The following COL25A1 variants were observed in gnomAD, a reference collection of about 807,000 sequenced individuals.
COL25A1 encodes collagen type XXV alpha 1 chain, also known as collagen alpha-1(XXV) chain.
Under a neutral mutation model 128.4 loss-of-function variants are expected in COL25A1, and 103 were observed. That is an observed-to-expected ratio of 0.80 (90% confidence interval 0.68 to 0.94). The LOEUF is 0.94. Ranked by LOEUF, COL25A1 falls within the 40% of genes least tolerant of loss-of-function variation. COL25A1 has a pLI of 0.00. For missense variants in COL25A1, 745 were observed against 840.0 expected (o/e 0.89, Z 1.40); for synonymous variants, 279 against 277.2 (o/e 1.01, Z -0.06).
intron 3 of COL25A1, among the ~76,000 whole-genome samples, chr4:109,197,386 AATCTCTC>A (rs1473504247): frequency 4.9e-4 from 63 of 128,160 alleles, no homozygotes; most frequent in African/African-American, 1.7e-3. Flanking sequence ...TATAATATAT[AATCTCTC>A]TATTATATAT....
chr4:109,099,742 T>C (rs895951451), intron 3 of COL25A1, among the ~76,000 whole-genome samples: 4 of 151,958 alleles, frequency 2.6e-5, no homozygotes, highest in Admixed American at 1.3e-4. Flanking sequence ...TAAATATATA[T>C]GTATAACTAA....
intron 3 of COL25A1, among the ~76,000 whole-genome samples, chr4:109,050,684 T>G (rs1760900153): frequency 6.6e-6 from 1 of 152,088 alleles, no homozygotes; most frequent in South Asian, 2.1e-4. Flanking sequence ...TTACAAATAT[T>G]TATATTTCAT....
intron 3 of COL25A1, among the ~76,000 whole-genome samples, chr4:109,287,937 G>A (rs1289077951): frequency 2.6e-5 from 4 of 152,146 alleles, no homozygotes; most frequent in Admixed American, 6.5e-5. Flanking sequence ...CAAATCTTTC[G>A]AAGTATGGAT....
intron 5 of COL25A1, among the ~76,000 whole-genome samples, chr4:109,018,372 G>A (rs909242546): frequency 2.0e-5 from 3 of 152,036 alleles, no homozygotes; most frequent in Admixed American, 6.6e-5. Context: ...TTACAGGCAC[G>A]CTCCACCACT....
At chr4:109,224,419 A>G (rs1324658032) in intron 3 of COL25A1, among the ~76,000 whole-genome samples, 1 of 152,170 alleles carries the variant, frequency 6.6e-6, no homozygotes, top group Non-Finnish European at 1.5e-5. Flanking sequence ...GTTCGGGCAT[A>G]TATGTTTAAA....
intron 3 of COL25A1, among the ~76,000 whole-genome samples, chr4:109,284,312 C>T (rs1468264951): frequency 2.0e-5 from 3 of 152,200 alleles, no homozygotes; most frequent in African/African-American, 7.2e-5. Context: ...GTAATCCCAG[C>T]TACTCAGGAG....
chr4:109,224,114 T>TG (rs2126212720), intron 3 of COL25A1, among the ~76,000 whole-genome samples: 1 of 152,324 alleles, frequency 6.6e-6, no homozygotes, highest in Admixed American at 6.5e-5. Flanking sequence ...AGAGTACATA[T>TG]GATTTTAAGA....
intron 19 of COL25A1, among the ~76,000 whole-genome samples, chr4:108,883,096 T>C (rs1372794805): frequency 1.3e-5 from 2 of 152,076 alleles, no homozygotes; most frequent in Non-Finnish European, 1.5e-5. Flanking sequence ...GCCTGGAGTA[T>C]AGTGGCGTGA....
chr4:109,287,004 C>T lies in COL25A1; in HGVS notation c.367+13579G>A, dbSNP rs72672625. ...AGAGATCATTTATCTCCAGAAAAAC[C>T]ATCTCATTGGTGTGTTAGCAGCATT... On this transcript the variant is annotated intron_variant, in intron 3 of 37. Transcript: ENST00000399132. Among the ~76,000 whole-genome samples, 420 of 152,234 alleles carry T rather than the reference C, an allele frequency of 2.8e-3. 1 individual carries two copies. The highest frequency in any genetic ancestry group is 4.9e-3 in the Non-Finnish European group (336 of 68,018).
chr4:109,299,347 C>T (rs1218957809), intron 3 of COL25A1, among the ~76,000 whole-genome samples: 5 of 152,160 alleles, frequency 3.3e-5, no homozygotes, highest in African/African-American at 4.8e-5. Flanking sequence ...AGAATGAGAC[C>T]TACACTGTCA....
intron 3 of COL25A1, among the ~76,000 whole-genome samples, chr4:109,161,477 T>G (rs566274780): frequency 6.6e-6 from 1 of 150,846 alleles, no homozygotes; most frequent in Admixed American, 6.6e-5. Context: ...ATTATATTGT[T>G]ATAATATAAT....
At chr4:109,087,208 A>G (rs1300379600) in intron 3 of COL25A1, among the ~76,000 whole-genome samples, 1 of 152,124 alleles carries the variant, frequency 6.6e-6, no homozygotes, top group Non-Finnish European at 1.5e-5. Flanking sequence ...GACTGTTAGC[A>G]TCCATGCTGT....
intron 10 of COL25A1, 45 bp from the exon 11 acceptor site, chr4:108,937,888 A>T (rs570338882): frequency 9.5e-5 from 136 of 1,432,712 alleles, no homozygotes; most frequent in Middle Eastern, 5.4e-4. Flanking sequence ...GTAAGTATTT[A>T]AAAAAAAACC....
At chr4:109,243,679 C>G (rs973710927) in intron 3 of COL25A1, among the ~76,000 whole-genome samples, 3 of 151,916 alleles carry the variant, frequency 2.0e-5, no homozygotes, top group African/African-American at 4.8e-5. Context: ...AAAGAAATAG[C>G]CTTAAATTCC....
At chr4:108,898,834 T>G (rs770544028) in intron 15 of COL25A1, among the ~76,000 whole-genome samples, 40 of 152,166 alleles carry the variant, frequency 2.6e-4, no homozygotes, top group Non-Finnish European at 5.0e-4. Context: ...TCTTCATTAT[T>G]AAATATTTGT....
chr4:108,921,084 T>C (rs1371859363), intron 11 of COL25A1: 2 of 154,378 alleles, frequency 1.3e-5, no homozygotes, highest in Admixed American at 1.3e-4. Flanking sequence ...TTTTCTGTTC[T>C]TCCTCTTAGG....
chr4:109,054,599 T>C (rs1425348), intron 3 of COL25A1, among the ~76,000 whole-genome samples: 25,865 of 152,090 alleles, frequency 0.17, 3,249 homozygotes, highest in East Asian at 0.47. Flanking sequence ...AACTTAGAAG[T>C]TTCATCCCCA....
intron 5 of COL25A1, among the ~76,000 whole-genome samples, chr4:109,033,126 A>G (rs1039731080): frequency 1.3e-5 from 2 of 152,246 alleles, no homozygotes; most frequent in African/African-American, 4.8e-5. Flanking sequence ...AACCTCAGCC[A>G]TTTGTTTTGT....
intron 3 of COL25A1, among the ~76,000 whole-genome samples, chr4:109,064,137 C>T (rs1762213513): frequency 6.6e-6 from 1 of 152,144 alleles, no homozygotes; most frequent in Non-Finnish European, 1.5e-5. Context: ...ATCGGTGGTA[C>T]TATTTACATA....
Sources: gnomAD v4.1 joint callset for allele counts (sites outside exome capture counted in the v4.1 genomes callset) on GRCh38, gnomAD v4.1.1 for gene constraint, MANE v1.5 for transcripts, NCBI Gene and HGNC (gene_info 2026-07-23, HGNC 2026-07-21) for gene names.